The following CCDC175 variants were observed in gnomAD, a reference collection of about 807,000 sequenced individuals.
CCDC175 encodes coiled-coil domain containing 175.
Under a neutral mutation model 114.6 loss-of-function variants are expected in CCDC175, and 100 were observed. That is an observed-to-expected ratio of 0.87 (90% CI 0.74 to 1.03). The LOEUF is 1.03. Ranked by LOEUF, CCDC175 falls within the 50% of genes least tolerant of loss-of-function variation. The pLI, the probability that CCDC175 is intolerant of heterozygous loss-of-function variation, is 0.00. For synonymous variants in CCDC175, 306 were observed against 308.7 expected (o/e 0.99, Z 0.09); for missense variants, 880 against 917.8 (o/e 0.96, Z 0.53).
chr14:59,514,353 C>T (rs12587239), intron 17 of CCDC175, among the ~76,000 whole-genome samples: 23 of 151,814 alleles, frequency 1.5e-4, no homozygotes, highest in Admixed American at 5.9e-4. Context: ...AGGCTTCAGA[C>T]GATCAAACTA....
intron 3 of CCDC175, among the ~76,000 whole-genome samples, chr14:59,571,281 A>G (rs1181218450): frequency 2.6e-5 from 4 of 152,214 alleles, no homozygotes. Flanking sequence ...ATCAAAATTT[A>G]AAACTTTTGT....
chr14:59,535,222 T>A (rs1894322300), intron 13 of CCDC175, among the ~76,000 whole-genome samples: 1 of 152,148 alleles, frequency 6.6e-6, no homozygotes, highest in Non-Finnish European at 1.5e-5. Context: ...GAATTAGGCA[T>A]GGGTGGACAC....
intron 17 of CCDC175, among the ~76,000 whole-genome samples, chr14:59,516,387 T>G (rs1278831538): frequency 3.3e-5 from 5 of 152,154 alleles, no homozygotes; most frequent in African/African-American, 9.7e-5. Context: ...GGAGCTGGTT[T>G]TTTGAAAAGA....
intron 15 of CCDC175, among the ~76,000 whole-genome samples, chr14:59,526,478 C>G (rs57162897): frequency 0.012 from 1,787 of 151,866 alleles, 28 homozygotes; most frequent in African/African-American, 0.042. Context: ...ATCGCTTGAA[C>G]CTGGGAGGCT....
chr14:59,567,901 A>C (rs1896647186), intron 4 of CCDC175, among the ~76,000 whole-genome samples: 1 of 152,226 alleles, frequency 6.6e-6, no homozygotes, highest in South Asian at 2.1e-4. Flanking sequence ...TGTAAACTTA[A>C]TTCTACAAAA....
At chr14:59,525,186 T>A (rs1298978159) in intron 16 of CCDC175, 96 bp downstream of exon 16, 1 of 998,084 alleles carries the variant, frequency 1.0e-6, no homozygotes, top group Non-Finnish European at 1.4e-6. Context: ...CATTAAACAT[T>A]TTTCAAGAGC....
intron 17 of CCDC175, among the ~76,000 whole-genome samples, chr14:59,518,066 G>C (rs1346104927): frequency 6.6e-6 from 1 of 152,138 alleles, no homozygotes; most frequent in African/African-American, 2.4e-5. Flanking sequence ...AACAAGAAAT[G>C]GGGAAACGAT....
chr14:59,524,971 C>T (rs2139990681), intron 16 of CCDC175, among the ~76,000 whole-genome samples: 1 of 152,224 alleles, frequency 6.6e-6, no homozygotes, highest in East Asian at 1.9e-4. Context: ...TGTTCTATAC[C>T]TATAATGTTC....
rs571846135 is a variant in CCDC175 at position 59,522,837 on chromosome 14, G to T, written c.1996-1161C>A. 1.3e-3 allele frequency among the ~76,000 whole-genome samples: 195 copies of T among 152,330 alleles called. 1 individual carries two copies. Among genetic ancestry groups the T allele is most frequent in the African/African-American group, 4.6e-3 (193 of 41,568 alleles). On this transcript the variant is annotated intron_variant, in intron 16 of 19. Transcript: ENST00000537690. Reference sequence around the variant, plus strand: ...TTCAGATTGTTGCACTTAACATACTGAATTGTAATGATCTGTTTCTATGTG... The same window carrying T: ...TTCAGATTGTTGCACTTAACATACTTAATTGTAATGATCTGTTTCTATGTG...
intron 7 of CCDC175, among the ~76,000 whole-genome samples, chr14:59,552,514 G>C (rs1406389992): frequency 2.0e-5 from 3 of 152,082 alleles, no homozygotes; most frequent in African/African-American, 4.8e-5. Context: ...CACAAAGATG[G>C]GGAAAAAACA....
chr14:59,532,175 A>G (rs575580398), intron 13 of CCDC175, among the ~76,000 whole-genome samples: 2 of 152,352 alleles, frequency 1.3e-5, no homozygotes, highest in South Asian at 4.1e-4. Context: ...CTCTTCTGCT[A>G]TATCTCTATG....
At chr14:59,574,062 C>T (rs993412583) in intron 2 of CCDC175, among the ~76,000 whole-genome samples, 1 of 152,192 alleles carries the variant, frequency 6.6e-6, no homozygotes, top group Non-Finnish European at 1.5e-5. Context: ...AATGTTTTCA[C>T]AGCACCACAG....
chr14:59,573,679 A>G (rs1411598671), intron 2 of CCDC175, among the ~76,000 whole-genome samples: 5 of 150,364 alleles, frequency 3.3e-5, no homozygotes, highest in Admixed American at 6.6e-5. Flanking sequence ...CAGTGGGTCA[A>G]TCTCAGCTCA....
intron 11 of CCDC175, 92 bp downstream of exon 11, chr14:59,540,583 C>A: frequency 1.5e-6 from 2 of 1,322,248 alleles, no homozygotes; most frequent in Non-Finnish European, 2.0e-6. Context: ...GTTCTAGTAA[C>A]AACAAGTACT....
chr14:59,575,232 G>C (rs1030002657), intron 1 of CCDC175, among the ~76,000 whole-genome samples: 3 of 152,134 alleles, frequency 2.0e-5, no homozygotes, highest in Non-Finnish European at 2.9e-5. Context: ...TGCTCCTTGA[G>C]GACAAATGTG....
At chr14:59,544,440 C>T (rs1399251631) in intron 9 of CCDC175, among the ~76,000 whole-genome samples, 1 of 152,026 alleles carries the variant, frequency 6.6e-6, no homozygotes, top group East Asian at 1.9e-4. Context: ...TGTTCAAATG[C>T]CCAGCTATTG....
At chr14:59,531,123 T>TA (rs34343088) in intron 14 of CCDC175, among the ~76,000 whole-genome samples, 70,989 of 147,244 alleles carry the variant, frequency 0.48, 18,181 homozygotes, top group East Asian at 0.81. Flanking sequence ...TGGTTTTGTT[T>TA]AAAAAAAAAA....
intron 14 of CCDC175, among the ~76,000 whole-genome samples, chr14:59,527,699 ATAAT>A (rs1324023357): frequency 7.9e-5 from 11 of 140,032 alleles, no homozygotes; most frequent in African/African-American, 2.5e-4. Flanking sequence ...TCATGTACAT[ATAAT>A]TAATTCATAC....
intron 6 of CCDC175, among the ~76,000 whole-genome samples, chr14:59,562,791 T>C (rs972460348): frequency 9.2e-5 from 14 of 152,228 alleles, no homozygotes; most frequent in African/African-American, 3.4e-4. Context: ...GGCATGCAGA[T>C]AGAATACGTT....
Sources: gnomAD v4.1 joint callset for allele counts (sites outside exome capture counted in the v4.1 genomes callset) on GRCh38, gnomAD v4.1.1 for gene constraint, MANE v1.5 for transcripts, NCBI Gene and HGNC (gene_info 2026-07-23, HGNC 2026-07-21) for gene names.